Variants in DCHS2 observed in about 807,000 individuals in gnomAD.
DCHS2 encodes the protein dachsous cadherin-related 2.
DCHS2 carries 142 observed loss-of-function variants against 182.4 expected under a neutral mutation model. The observed-to-expected ratio is 0.78, with a 90% CI of 0.68 to 0.89. The LOEUF is 0.89. Among genes scored for constraint, DCHS2 ranks in the 40% least tolerant of loss-of-function variants. DCHS2 has a pLI of 0.00. For synonymous variants in DCHS2, 1,740 were observed against 1,663.3 expected, an observed-to-expected ratio of 1.05 and a Z score of -1.12; for missense variants, 4,319 against 4,198.6, an observed-to-expected ratio of 1.03 and a Z score of -0.79.
chr4:154,400,195 C>CGGGAAGCTGAGGCAGGAGAATGGT (rs1732106500), intron 1 of DCHS2, among the ~76,000 whole-genome samples: 2 of 151,246 alleles, frequency 1.3e-5, no homozygotes, highest in Admixed American at 1.3e-4. Flanking sequence ...CCCAGCTACT[C>CGGGAAGCTGAGGCAGGAGAATGGT]GGGAAGCTGA....
At chr4:154,314,758 A>G (rs1035622930) in intron 10 of DCHS2, among the ~76,000 whole-genome samples, 5 of 152,210 alleles carry the variant, frequency 3.3e-5, no homozygotes, top group African/African-American at 7.2e-5. Flanking sequence ...GCCATTTGCT[A>G]TATACAAACG....
chr4:154,350,404 G>T, intron 3 of DCHS2, among the ~76,000 whole-genome samples: 1 of 144,760 alleles, frequency 6.9e-6, no homozygotes, highest in South Asian at 2.1e-4. Flanking sequence ...AAGATCTGTA[G>T]TTTTTTTTAA....
intron 16 of DCHS2, among the ~76,000 whole-genome samples, chr4:154,254,579 G>A (rs1203489889): frequency 2.0e-5 from 3 of 152,316 alleles, no homozygotes; most frequent in Admixed American, 6.5e-5. Flanking sequence ...GCTCAAGCCT[G>A]TAATCCCAGC....
chr4:154,414,487 C>CTTTTTT lies in DCHS2; in HGVS notation c.2053-37049_2053-37044dup, dbSNP rs375818839. ...ACAAAAAATATCTCCATACAGCTTTCTTTTTTTTTTTTTTTTTTTTTTTTG... is the reference window on the plus strand; with the variant it reads ...ACAAAAAATATCTCCATACAGCTTTCTTTTTTTTTTTTTTTTTTTTTTTTTTTTTTG... On this transcript the variant is annotated intron_variant, in intron 1 of 19. Coordinates refer to ENST00000357232, the MANE Select transcript of DCHS2 (RefSeq NM_001358235.2). 6.4e-4 allele frequency among the ~76,000 whole-genome samples: 47 copies of CTTTTTT among 73,710 alleles called. 1 individual carries two copies. The highest frequency in any genetic ancestry group is 7.6e-3 in the Middle Eastern group (1 of 132). The allele number at this position is 73,710 out of a possible 152,430, so 48.4% of individuals were successfully genotyped here.
At chr4:154,451,571 T>G (rs890629634) in intron 1 of DCHS2, among the ~76,000 whole-genome samples, 2 of 152,284 alleles carry the variant, frequency 1.3e-5, no homozygotes, top group East Asian at 3.9e-4. Flanking sequence ...TACAACCTTA[T>G]GGGAGAAAAC....
chr4:154,331,369 T>C (rs1317665394), intron 5 of DCHS2, among the ~76,000 whole-genome samples: 3 of 152,138 alleles, frequency 2.0e-5, no homozygotes, highest in African/African-American at 7.2e-5. Flanking sequence ...GTAGTTTGCT[T>C]ATTTTAAAGA....
At chr4:154,263,435 G>A (rs1733080625) in intron 14 of DCHS2, among the ~76,000 whole-genome samples, 1 of 151,906 alleles carries the variant, frequency 6.6e-6, no homozygotes, top group Non-Finnish European at 1.5e-5. Flanking sequence ...AGTTGGTACA[G>A]TTGTAAGAAT....
Position 154,490,353 on chromosome 4 carries a change from C to T in DCHS2, c.1003G>A (p.Val335Ile). The change falls in exon 1 of 20, where the codon GTC (valine) becomes ATC (isoleucine). Residue 335 changes from valine to isoleucine, a missense_variant. Physicochemically the swap from Val to Ile is conservative, Grantham distance 29. Transcript: ENST00000357232. The part of the protein sequence containing the change: ...LGPNGFVRYS[V>I]RARQVPGAGS... ...GCCCCAGGCACTTGCCGGGCGCGGACGCTGTAGCGCACGAAGCCATTGGGC... is the reference window on the plus strand; with the variant it reads ...GCCCCAGGCACTTGCCGGGCGCGGATGCTGTAGCGCACGAAGCCATTGGGC... 6.5e-7 allele frequency: 1 copy of T among 1,539,246 alleles called. No individual in the cohort carries two copies. Among genetic ancestry groups the T allele is most frequent in the South Asian group, 1.2e-5 (1 of 83,900 alleles).
intron 12 of DCHS2, among the ~76,000 whole-genome samples, chr4:154,299,041 T>C (rs112602184): frequency 1.3e-5 from 2 of 152,308 alleles, no homozygotes; most frequent in African/African-American, 4.8e-5. Context: ...TTTTTCCTCA[T>C]AAGAGGATGA....
intron 1 of DCHS2, among the ~76,000 whole-genome samples, chr4:154,475,443 C>A (rs1042516576): frequency 6.6e-6 from 1 of 152,102 alleles, no homozygotes; most frequent in Non-Finnish European, 1.5e-5. Context: ...GGACTGAAAT[C>A]TTAAAGGAAT....
At chr4:154,487,019 C>T (rs1728615353) in intron 1 of DCHS2, among the ~76,000 whole-genome samples, 1 of 152,144 alleles carries the variant, frequency 6.6e-6, no homozygotes, top group Non-Finnish European at 1.5e-5. Context: ...GATAAACTCA[C>T]ACCTCATAGA....
At chr4:154,338,114 A>G (rs567190961) in intron 3 of DCHS2, among the ~76,000 whole-genome samples, 1 of 152,256 alleles carries the variant, frequency 6.6e-6, no homozygotes, top group East Asian at 1.9e-4. Flanking sequence ...AGCTCTAGCT[A>G]CCACTATTCT....
intron 1 of DCHS2, among the ~76,000 whole-genome samples, chr4:154,471,465 CTATAA>C (rs1735465124): frequency 6.6e-6 from 1 of 152,130 alleles, no homozygotes; most frequent in South Asian, 2.1e-4. Flanking sequence ...TCAAGGTCAG[CTATAA>C]CAAGAGTTAT....
At chr4:154,251,708 G>C (rs1368748222) in intron 16 of DCHS2, among the ~76,000 whole-genome samples, 1 of 151,988 alleles carries the variant, frequency 6.6e-6, no homozygotes. Context: ...TAGTTGAGAC[G>C]GGGTTTTGCC....
intron 1 of DCHS2, among the ~76,000 whole-genome samples, chr4:154,468,982 TGTG>T (rs1432020174): frequency 3.9e-5 from 6 of 152,154 alleles, no homozygotes; most frequent in Non-Finnish European, 8.8e-5. Flanking sequence ...TTAGCCTAAT[TGTG>T]GTGATCATTT....
chr4:154,397,565 A>G (rs1404692213), intron 1 of DCHS2, among the ~76,000 whole-genome samples: 1 of 152,194 alleles, frequency 6.6e-6, no homozygotes, highest in Non-Finnish European at 1.5e-5. Context: ...CCCTTTAATT[A>G]CAAGATACCG....
intron 3 of DCHS2, among the ~76,000 whole-genome samples, chr4:154,364,687 G>A (rs1730270153): frequency 6.6e-6 from 1 of 152,124 alleles, no homozygotes; most frequent in Non-Finnish European, 1.5e-5. Flanking sequence ...TCTACCTAAT[G>A]GGGCTGGGTG....
At chr4:154,288,783 T>C (rs1482680581) in intron 13 of DCHS2, among the ~76,000 whole-genome samples, 1 of 152,146 alleles carries the variant, frequency 6.6e-6, no homozygotes, top group Non-Finnish European at 1.5e-5. Flanking sequence ...TTTTGGAAAT[T>C]ATACAGACAC....
intron 1 of DCHS2, chr4:154,384,391 C>A (rs376998218): frequency 2.2e-5 from 36 of 1,613,266 alleles, no homozygotes; most frequent in Non-Finnish European, 2.6e-5. Flanking sequence ...ACTGGTTTTG[C>A]GTTCTCTTCC....
Sources: allele counts gnomAD v4.1 joint callset (sites outside exome capture counted in the v4.1 genomes callset), GRCh38; gene constraint gnomAD v4.1.1; transcripts MANE v1.5; gene names NCBI Gene and HGNC (gene_info 2026-07-23, HGNC 2026-07-21).